KALRN: variants seen among roughly 807,000 people sequenced by gnomAD.
KALRN encodes the protein kalirin.
A neutral mutation model predicts 353.7 loss-of-function variants in KALRN; 70 were observed. The ratio of observed to expected loss-of-function variants is 0.20; its 90% CI spans 0.16 to 0.24. The LOEUF (loss-of-function observed/expected upper bound fraction) is 0.24. Ranked by LOEUF, KALRN falls within the 10% of genes least tolerant of loss-of-function variation. The pLI, the probability that KALRN is intolerant of heterozygous loss-of-function variation, is 1.00. For missense variants in KALRN, 2,791 were observed against 3,756.7 expected, an observed-to-expected ratio of 0.74 and a Z score of 6.72; for synonymous variants, 1,391 against 1,434.8, an observed-to-expected ratio of 0.97 and a Z score of 0.69.
At chr3:124,504,662 G>A (rs2065008971) in intron 33 of KALRN, 2 of 361,564 alleles carry the variant, frequency 5.5e-6, no homozygotes, top group Admixed American at 7.3e-5. Context: ...TCATAGCCTT[G>A]GTGGGAGTGT....
chr3:124,207,811 T>C (rs1214870262), intron 1 of KALRN, among the ~76,000 whole-genome samples: 1 of 152,150 alleles, frequency 6.6e-6, no homozygotes, highest in African/African-American at 2.4e-5. Flanking sequence ...CCTTAATAAA[T>C]GGTAGCAAGC....
intron 10 of KALRN, among the ~76,000 whole-genome samples, chr3:124,368,535 A>C (rs1316769573): frequency 6.8e-6 from 1 of 147,788 alleles, no homozygotes; most frequent in Admixed American, 6.7e-5. Flanking sequence ...CTCACTTCCT[A>C]GATGGGATGG....
intron 1 of KALRN, among the ~76,000 whole-genome samples, chr3:124,177,241 G>A (rs983777280): frequency 6.6e-6 from 1 of 152,348 alleles, no homozygotes; most frequent in Non-Finnish European, 1.5e-5. Context: ...TTGTCTCTAA[G>A]AACAGGCCTG....
intron 9 of KALRN, among the ~76,000 whole-genome samples, chr3:124,341,209 A>G (rs1255000486): frequency 6.6e-6 from 1 of 152,212 alleles, no homozygotes; most frequent in African/African-American, 2.4e-5. Flanking sequence ...TCTGGTTGAA[A>G]AGTCAAGACG....
intron 1 of KALRN, among the ~76,000 whole-genome samples, chr3:124,192,456 T>C (rs917091423): frequency 2.6e-5 from 4 of 152,158 alleles, no homozygotes; most frequent in African/African-American, 9.7e-5. Flanking sequence ...TAACAACTGC[T>C]ATTTGATAGT....
chr3:124,068,711 C>T (rs1457841613), intron 1 of KALRN, among the ~76,000 whole-genome samples: 1 of 152,168 alleles, frequency 6.6e-6, no homozygotes, highest in Non-Finnish European at 1.5e-5. Context: ...TTGATTTACA[C>T]CCTTTCCCCA....
At chr3:124,691,446 T>G (rs533752229) in intron 51 of KALRN, among the ~76,000 whole-genome samples, 2 of 152,080 alleles carry the variant, frequency 1.3e-5, no homozygotes, top group African/African-American at 2.4e-5. Flanking sequence ...ATAAATAAAT[T>G]AAATAAAGAA....
intron 1 of KALRN, among the ~76,000 whole-genome samples, chr3:124,083,140 C>T (rs1386370029): frequency 6.6e-6 from 1 of 152,220 alleles, no homozygotes; most frequent in East Asian, 1.9e-4. Context: ...CTTGTAGGCA[C>T]TTAGTAAATG....
intron 34 of KALRN, among the ~76,000 whole-genome samples, chr3:124,619,144 G>A (rs1200497416): frequency 7.1e-6 from 1 of 140,198 alleles, no homozygotes; most frequent in Non-Finnish European, 1.5e-5. Context: ...TTTTTTTTAA[G>A]ATTCCACATA....
At position 124,326,132 on chromosome 3, in the gene KALRN, C is replaced by A. The variant is rs1347898653; in HGVS notation, c.1245C>A (p.Ile415=). ...FAAALDERST[I]LAMSAVFHQK... is the part of the protein sequence containing the mutation. Reference sequence around the variant, plus strand: ...CTGCCCTGGATGAACGCAGCACCATCCTCGCCATGTCTGCTGTGTTCCACC... The same window carrying A: ...CTGCCCTGGATGAACGCAGCACCATACTCGCCATGTCTGCTGTGTTCCACC... Residue 415 remains isoleucine, a synonymous_variant, in exon 7 of 60, where the codon ATC becomes ATA. Coordinates refer to ENST00000682506, the MANE Select transcript of KALRN (RefSeq NM_001388419.1). The A allele has an allele frequency of 6.2e-7, 1 of 1,613,442 alleles. No individual in the cohort carries two copies. Among genetic ancestry groups the A allele is most frequent in the Admixed American group, 1.7e-5 (1 of 59,952 alleles).
At chr3:124,309,410 A>G (rs2078026141) in intron 6 of KALRN, among the ~76,000 whole-genome samples, 1 of 152,170 alleles carries the variant, frequency 6.6e-6, no homozygotes, top group African/African-American at 2.4e-5. Context: ...AACCAAATCC[A>G]ATTAGCCAGA....
chr3:124,599,337 C>T (rs1258646469), intron 34 of KALRN, among the ~76,000 whole-genome samples: 1 of 152,122 alleles, frequency 6.6e-6, no homozygotes, highest in Non-Finnish European at 1.5e-5. Flanking sequence ...CTATAAGAAC[C>T]TCTGAGGAAC....
chr3:124,244,223 C>T (rs1385880933), intron 3 of KALRN, among the ~76,000 whole-genome samples: 2 of 151,984 alleles, frequency 1.3e-5, no homozygotes, highest in Non-Finnish European at 2.9e-5. Context: ...AACATATTTC[C>T]TTCCTATCTT....
At chr3:124,661,965 C>T (rs766771650) in intron 45 of KALRN, 37 bp downstream of exon 45, 4 of 1,541,384 alleles carry the variant, frequency 2.6e-6, no homozygotes, top group Non-Finnish European at 2.7e-6. Flanking sequence ...CCACTCTCTC[C>T]AGGACAATAG....
intron 1 of KALRN, among the ~76,000 whole-genome samples, chr3:124,208,221 GTCCC>G: frequency 1.3e-5 from 2 of 152,148 alleles, no homozygotes; most frequent in Non-Finnish European, 2.9e-5. Context: ...AAGCACAAAG[GTCCC>G]TAAAATGGTA....
intron 9 of KALRN, among the ~76,000 whole-genome samples, chr3:124,342,863 A>T (rs1187026892): frequency 2.0e-5 from 3 of 152,170 alleles, no homozygotes; most frequent in South Asian, 4.1e-4. Context: ...AGGAAAAAAA[A>T]TATGTTATGT....
At chr3:124,099,045 A>G (rs559441127) in intron 1 of KALRN, among the ~76,000 whole-genome samples, 3 of 152,330 alleles carry the variant, frequency 2.0e-5, no homozygotes, top group African/African-American at 7.2e-5. Context: ...CATGCATACA[A>G]TGTGTAATGA....
intron 1 of KALRN, among the ~76,000 whole-genome samples, chr3:124,114,704 G>A (rs1459004103): frequency 1.3e-5 from 2 of 152,198 alleles, no homozygotes; most frequent in Admixed American, 1.3e-4. Context: ...GCAGGAATGA[G>A]CATGGGGAGA....
chr3:124,629,793 A>ATTTTT (rs754729498), intron 34 of KALRN, among the ~76,000 whole-genome samples: 1 of 128,978 alleles, frequency 7.8e-6, no homozygotes, highest in East Asian at 2.6e-4. Flanking sequence ...TTGCTTTTTC[A>ATTTTT]TTTTTTCTCT....
Sources: allele counts gnomAD v4.1 joint callset (sites outside exome capture counted in the v4.1 genomes callset), GRCh38; gene constraint gnomAD v4.1.1; transcripts MANE v1.5; gene names NCBI Gene and HGNC (gene_info 2026-07-23, HGNC 2026-07-21).